Variants in TRPA1 observed in about 807,000 individuals in gnomAD.
TRPA1 encodes ankyrin-like with transmembrane domains 1.
In TRPA1, 129 loss-of-function variants were observed where a neutral mutation model predicts 131.3. The ratio of observed to expected loss-of-function variants is 0.98; its 90% CI spans 0.85 to 1.14. TRPA1 has a LOEUF of 1.14. Among genes scored for constraint, TRPA1 ranks in the 50% most tolerant of loss-of-function variants. The probability of loss-of-function intolerance (pLI) is 0.00; values close to 1 mark genes in which losing one functional copy is unlikely to be tolerated. For missense variants in TRPA1, 1,304 were observed against 1,354.2 expected (o/e 0.96, Z 0.58); for synonymous variants, 441 against 451.7 (o/e 0.98, Z 0.30).
chr8:72,025,424 C>T (rs984830538), intron 25 of TRPA1, among the ~76,000 whole-genome samples: 6 of 152,118 alleles, frequency 3.9e-5, no homozygotes. Flanking sequence ...CCTCCTCAGC[C>T]ATGCAGAACT....
intron 3 of TRPA1, among the ~76,000 whole-genome samples, chr8:72,067,155 G>A (rs1275661653): frequency 1.3e-5 from 2 of 152,196 alleles, no homozygotes; most frequent in African/African-American, 2.4e-5. Context: ...AGGTTTGAGG[G>A]ACGGTCAGTG....
At chr8:72,054,242 CTG>C (rs1377208309) in intron 12 of TRPA1, 15 of 259,712 alleles carry the variant, frequency 5.8e-5, no homozygotes, top group Non-Finnish European at 1.5e-5. Context: ...TCAATGAACA[CTG>C]TATCAAAATT....
Position 72,057,759 on chromosome 8 carries a change from C to T in TRPA1, c.1051G>A (p.Ala351Thr), listed in dbSNP as rs1371723017. The T allele has an allele frequency of 1.9e-6, 3 of 1,613,960 alleles. No individual in the cohort carries two copies. Among genetic ancestry groups the T allele is most frequent in the Non-Finnish European group, 2.5e-6 (3 of 1,179,922 alleles). ...EGRSPLILAT[A>T]SASWNIVNLL... ...TTTACAATATTCCAAGATGCAGAAG[C>T]AGTTGCTAATATAAGTGGAGAGCGT... The change falls in exon 9 of 27, where the codon GCT becomes ACT. Residue 351 changes from alanine to threonine, a missense_variant. Coordinates refer to ENST00000262209, the MANE Select transcript of TRPA1 (RefSeq NM_007332.3).
At chr8:72,029,820 T>C in intron 24 of TRPA1, 81 bp downstream of exon 24, 13 of 1,383,458 alleles carry the variant, frequency 9.4e-6, no homozygotes, top group Non-Finnish European at 1.2e-5. Flanking sequence ...AAAATGCCCA[T>C]TTTTGACTTG....
chr8:72,025,105 C>CGT (rs71265963), intron 25 of TRPA1, among the ~76,000 whole-genome samples: 4,421 of 120,122 alleles, frequency 0.037, 93 homozygotes, highest in East Asian at 0.066. Context: ...TGTGTGTGTT[C>CGT]GTGTGTGTGT....
At chr8:72,023,741 A>G in intron 26 of TRPA1, 73 bp downstream of exon 26, 1 of 906,230 alleles carries the variant, frequency 1.1e-6, no homozygotes. Flanking sequence ...AATATAAAAT[A>G]TAATCTTACA....
At chr8:72,046,406 T>C (rs1367121483) in intron 17 of TRPA1, 107 bp downstream of exon 17, 3 of 611,754 alleles carry the variant, frequency 4.9e-6, no homozygotes, top group African/African-American at 3.8e-5. Context: ...ATTTCTCATA[T>C]GTAACTAACC....
intron 25 of TRPA1, among the ~76,000 whole-genome samples, chr8:72,025,023 T>A (rs187208374): frequency 1.3e-5 from 2 of 152,226 alleles, no homozygotes; most frequent in East Asian, 3.9e-4. Context: ...TGGCCCTTCT[T>A]CCATTATAAT....
rs1585836669 is a variant in TRPA1, at chr8:72,028,976, A to G, written c.2937+925T>C. Reference sequence around the variant, plus strand: ...ATGCGTATAGTCAACTGGTCACCAAATATCCTCGAAGCATCAAAAGTGCCC... The same window carrying G: ...ATGCGTATAGTCAACTGGTCACCAAGTATCCTCGAAGCATCAAAAGTGCCC... On this transcript the variant is annotated intron_variant, in intron 24 of 26. Transcript: ENST00000262209. Among the ~76,000 whole-genome samples the G allele has an allele frequency of 5.9e-5, 9 of 152,318 alleles. 1 individual carries two copies. In the South Asian group the frequency reaches 1.9e-3, roughly 32 times the overall value.
chr8:72,045,852 A>C (rs1190011658), intron 17 of TRPA1, among the ~76,000 whole-genome samples: 2 of 152,014 alleles, frequency 1.3e-5, no homozygotes, highest in Non-Finnish European at 2.9e-5. Context: ...GAAACATAAA[A>C]GCATCTTTTT....
In TRPA1 at chr8:72,026,041, C is replaced by T. The variant is rs1433430467; in HGVS notation, c.2970G>A (p.Leu990=). The change falls in exon 25 of 27, where the codon CTG becomes CTA. Residue 990 remains leucine (L), a synonymous_variant. Transcript: ENST00000262209. The part of the protein sequence containing the change: ...VELHTSLEKK[L]PLWFLRKVDQ... ...CCACTTTGCGTAGAAACCAAAGTGG[C>T]AGCTTCTTCTCTAAGCTGGTATGAA... 2 of 1,613,854 alleles carry T rather than the reference C, an allele frequency of 1.2e-6. No homozygotes were observed. Among genetic ancestry groups the T allele is most frequent in the Non-Finnish European group, 1.7e-6 (2 of 1,179,904 alleles).
chr8:72,061,685 T>C lies in TRPA1; in HGVS notation c.884A>G (p.Tyr295Cys). The C allele has an allele frequency of 6.2e-7, 1 of 1,614,074 alleles. No homozygotes were observed. The highest frequency in any genetic ancestry group is 8.5e-7 in the Non-Finnish European group (1 of 1,179,960). The change falls in exon 7 of 27, where the codon TAT (tyrosine) becomes TGT (cysteine). Residue 295 changes from tyrosine to cysteine, a missense_variant. Coordinates refer to ENST00000262209, the MANE Select transcript of TRPA1 (RefSeq NM_007332.3). ...TEIVKLMISS[Y>C]SGSVDIVNTT... ...GTTAACAATATCCACGCTACCAGAA[T>C]AGGACGATATCATCAGTTTAACAAT... is the stretch of plus-strand genomic sequence containing the variant.
At chr8:72,076,332 C>G (rs1382465033), upstream of TRPA1, among the ~76,000 whole-genome samples, 1 of 152,160 alleles carries the variant, frequency 6.6e-6, no homozygotes, top group Non-Finnish European at 1.5e-5. Context: ...CATTAAGTGT[C>G]AATCGAAGTG....
the TRPA1 span, among the ~76,000 whole-genome samples, chr8:72,080,986 A>G: frequency 2.6e-5 from 4 of 151,722 alleles, no homozygotes; most frequent in Admixed American, 6.6e-5. Flanking sequence ...TTCAAGAACC[A>G]ACTTTTGATT....
chr8:72,087,623 A>G, the TRPA1 span, among the ~76,000 whole-genome samples: 1 of 74,610 alleles, frequency 1.3e-5, no homozygotes, highest in African/African-American at 5.7e-5. Context: ...AGTTATATGG[A>G]TCTATCAAAT....
intron 23 of TRPA1, among the ~76,000 whole-genome samples, chr8:72,032,477 G>C (rs1198429316): frequency 6.6e-6 from 1 of 152,192 alleles, no homozygotes; most frequent in Non-Finnish European, 1.5e-5. Flanking sequence ...TTAGTAGGAT[G>C]ACTAGGAGAT....
At chr8:72,054,595 T>C (rs566271955) in intron 12 of TRPA1, 2 of 152,552 alleles carry the variant, frequency 1.3e-5, no homozygotes, top group Admixed American at 6.5e-5. Context: ...TCAGTTATGA[T>C]GTAATTAAGC....
intron 4 of TRPA1, 59 bp downstream of exon 4, chr8:72,065,392 A>G (rs534341613): frequency 7.7e-7 from 1 of 1,305,358 alleles, no homozygotes; most frequent in East Asian, 2.4e-5. Context: ...AATAATAATA[A>G]TCCATGTTGT....
At chr8:72,050,717 G>T (rs1436772119) in intron 15 of TRPA1, 61 bp downstream of exon 15, 2 of 1,069,142 alleles carry the variant, frequency 1.9e-6, no homozygotes, top group Non-Finnish European at 2.9e-6. Context: ...TTATTAGGTT[G>T]TGATTACAAC....
Sources: gnomAD v4.1 joint callset for allele counts (sites outside exome capture counted in the v4.1 genomes callset) on GRCh38, gnomAD v4.1.1 for gene constraint, MANE v1.5 for transcripts, NCBI Gene and HGNC (gene_info 2026-07-23, HGNC 2026-07-21) for gene names.